Variants in TBC1D9 observed in about 807,000 individuals in gnomAD.
TBC1D9 encodes the protein TBC1 domain family member 9, also known as TBC1 domain family member 9A.
TBC1D9 carries 63 observed loss-of-function variants against 132.0 expected under a neutral mutation model. The ratio of observed to expected loss-of-function variants is 0.48; its 90% confidence interval spans 0.39 to 0.59. The LOEUF is 0.59. TBC1D9 is among the 20% of genes least tolerant of loss of function. TBC1D9 has a pLI of 0.00. For synonymous variants in TBC1D9, 610 were observed against 609.9 expected (o/e 1.00, Z 0.00); for missense variants, 1,261 against 1,592.7 (o/e 0.79, Z 3.54).
chr4:140,749,456 T>C (rs1425136654), intron 1 of TBC1D9, among the ~76,000 whole-genome samples: 1 of 152,130 alleles, frequency 6.6e-6, no homozygotes, highest in Non-Finnish European at 1.5e-5. Context: ...AAAGAGCAGA[T>C]TTAAATCCAA....
intron 10 of TBC1D9, among the ~76,000 whole-genome samples, chr4:140,661,634 A>G (rs1295225885): frequency 6.6e-6 from 1 of 152,150 alleles, no homozygotes; most frequent in Non-Finnish European, 1.5e-5. Flanking sequence ...ATATCTAGAG[A>G]CATTTTTGGT....
At chr4:140,689,753 CTT>C (rs796339181) in intron 2 of TBC1D9, among the ~76,000 whole-genome samples, 1 of 111,828 alleles carries the variant, frequency 8.9e-6, no homozygotes, top group Non-Finnish European at 1.8e-5. Context: ...CCTCCCACCC[CTT>C]TTTTTTTTTT....
intron 1 of TBC1D9, among the ~76,000 whole-genome samples, chr4:140,753,242 T>G (rs936614615): frequency 1.3e-5 from 2 of 152,118 alleles, no homozygotes; most frequent in Non-Finnish European, 2.9e-5. Context: ...ACCAGGACTC[T>G]TTCCAGCTAG....
At chr4:140,748,405 G>C (rs1167796439) in intron 1 of TBC1D9, among the ~76,000 whole-genome samples, 4 of 152,124 alleles carry the variant, frequency 2.6e-5, no homozygotes, top group African/African-American at 4.8e-5. Context: ...GCCAGAAAGA[G>C]AGATGAGGGG....
At position 140,622,651 on chromosome 4, in the gene TBC1D9, G is replaced by T; in HGVS notation, c.3345C>A (p.Ala1115=). 2 of 1,610,060 alleles carry T rather than the reference G, an allele frequency of 1.2e-6. No individual in the cohort carries two copies. Among genetic ancestry groups the T allele is most frequent in the Non-Finnish European group, 1.7e-6 (2 of 1,177,754 alleles). Residue 1115 remains alanine, a synonymous_variant, in exon 21 of 21, where the codon GCC becomes GCA. Coordinates refer to ENST00000442267, the MANE Select transcript of TBC1D9 (RefSeq NM_015130.3). ...YVVESVEPLP[A]SLAPDSEEHS... is the part of the protein sequence containing the mutation. ...GTTCCTCGCTGTCGGGGGCCAGGCT[G>T]GCCGGCAGGGGCTCAACAGACTCCA...
chr4:140,681,291 G>A (rs1737699314), intron 3 of TBC1D9, among the ~76,000 whole-genome samples: 1 of 152,140 alleles, frequency 6.6e-6, no homozygotes, highest in African/African-American at 2.4e-5. Flanking sequence ...AAAGTCTCTT[G>A]TGAGCCTTTT....
intron 1 of TBC1D9, among the ~76,000 whole-genome samples, chr4:140,748,008 C>T (rs1202638008): frequency 6.6e-6 from 1 of 152,106 alleles, no homozygotes; most frequent in African/African-American, 2.4e-5. Flanking sequence ...AGTACAAGGT[C>T]CAGTTCATAA....
At chr4:140,712,815 T>A (rs1345096953) in intron 1 of TBC1D9, among the ~76,000 whole-genome samples, 2 of 151,946 alleles carry the variant, frequency 1.3e-5, no homozygotes, top group African/African-American at 4.8e-5. Context: ...TTGCCCATGC[T>A]GGAATGCAGT....
intron 2 of TBC1D9, among the ~76,000 whole-genome samples, chr4:140,690,800 A>G (rs991430015): frequency 2.8e-4 from 43 of 152,114 alleles, no homozygotes; most frequent in African/African-American, 8.9e-4. Flanking sequence ...GACTTGGTAA[A>G]GGGCAGAGCA....
intron 1 of TBC1D9, among the ~76,000 whole-genome samples, chr4:140,749,992 C>G (rs1031118858): frequency 1.3e-5 from 2 of 151,836 alleles, no homozygotes; most frequent in African/African-American, 4.8e-5. Context: ...AGTTACCACA[C>G]TAACAGGATA....
rs1737799142 is a variant in TBC1D9 at position 140,687,343 on chromosome 4, CA to C, written c.242-882del. On this transcript the variant is annotated intron_variant, in intron 2 of 20. Coordinates refer to ENST00000442267, the MANE Select transcript of TBC1D9 (RefSeq NM_015130.3). ...TATATGTGTGTGTGTGTGTGTGTGT[CA>C]TATATATATATATATATATATATAT... Among the ~76,000 whole-genome samples the C allele has an allele frequency of 3.0e-3, 114 of 37,902 alleles. 2 individuals are homozygous for C. The highest frequency in any genetic ancestry group is 7.3e-3 in the African/African-American group (113 of 15,450). 24.9% of individuals were successfully genotyped at this position (37,902 alleles called of 152,430 possible).
intron 1 of TBC1D9, among the ~76,000 whole-genome samples, chr4:140,724,804 C>T (rs184877194): frequency 1.3e-5 from 2 of 152,076 alleles, no homozygotes; most frequent in African/African-American, 4.8e-5. Context: ...GGCTTGTAAA[C>T]ATGAAAAAAT....
chr4:140,729,174 C>T (rs920473045), intron 1 of TBC1D9, among the ~76,000 whole-genome samples: 11 of 152,274 alleles, frequency 7.2e-5, no homozygotes, highest in African/African-American at 2.4e-4. Context: ...TGACATTTCA[C>T]GTTTCCCATA....
chr4:140,626,125 A>C (rs1736706898), intron 18 of TBC1D9, among the ~76,000 whole-genome samples: 1 of 152,242 alleles, frequency 6.6e-6, no homozygotes, highest in South Asian at 2.1e-4. Context: ...TGTAGCCAGA[A>C]TGTGACTGCT....
chr4:140,652,899 C>G (rs1737208850), intron 13 of TBC1D9, among the ~76,000 whole-genome samples: 1 of 152,214 alleles, frequency 6.6e-6, no homozygotes, highest in South Asian at 2.1e-4. Flanking sequence ...TCAGACTAAA[C>G]ACACTGGGCT....
In TBC1D9 at chr4:140,622,208, GC is replaced by G. The variant is rs1472195362; in HGVS notation, c.3787del (p.Ala1263ProfsTer40). Reference sequence around the variant, plus strand: ...AAGGCGCCCGTGTCAGCCGGACATGGCCGAGATTTCATAGTCACTGGCCGAG... The same window carrying G: ...AAGGCGCCCGTGTCAGCCGGACATGGCGAGATTTCATAGTCACTGGCCGAG... ...LTSASDYEISAMSG is the reference protein window; with the variant it reads ...LTSASDYEISXMSG On this transcript the variant is annotated frameshift_variant, in exon 21 of 21. Coordinates refer to ENST00000442267, the MANE Select transcript of TBC1D9 (RefSeq NM_015130.3). LOFTEE classifies it high-confidence loss of function. 1 of 1,581,304 alleles carries G rather than the reference GC, an allele frequency of 6.3e-7. No individual in the cohort carries two copies. The highest frequency in any genetic ancestry group is 1.7e-5 in the Admixed American group (1 of 59,382).
chr4:140,646,831 G>A (rs913763809), intron 13 of TBC1D9, among the ~76,000 whole-genome samples: 7 of 152,232 alleles, frequency 4.6e-5, no homozygotes, highest in African/African-American at 1.7e-4. Flanking sequence ...CTCCAAGGAA[G>A]TGCCTTCCAA....
chr4:140,642,039 C>T, intron 13 of TBC1D9: 1 of 669,144 alleles, frequency 1.5e-6, no homozygotes, highest in South Asian at 1.6e-5. Flanking sequence ...ACCACTGCTT[C>T]CTGCTGGTGG....
At chr4:140,737,002 G>T (rs1395933723) in intron 1 of TBC1D9, among the ~76,000 whole-genome samples, 1 of 152,158 alleles carries the variant, frequency 6.6e-6, no homozygotes, top group Non-Finnish European at 1.5e-5. Flanking sequence ...CATGGCCAAG[G>T]GTGTGGGGGC....
Sources: gnomAD v4.1 joint callset for allele counts (sites outside exome capture counted in the v4.1 genomes callset) on GRCh38, gnomAD v4.1.1 for gene constraint, MANE v1.5 for transcripts, NCBI Gene and HGNC (gene_info 2026-07-23, HGNC 2026-07-21) for gene names.